Variants in ZNF559 observed in about 807,000 individuals in gnomAD.
ZNF559 encodes the protein zinc finger protein 559.
Under a neutral mutation model 14.2 loss-of-function variants are expected in ZNF559, and 17 were observed. That is an observed-to-expected ratio of 1.20 (90% CI 0.82 to 1.80). The LOEUF is 1.80. Among genes scored for constraint, ZNF559 ranks in the 40% most tolerant of loss-of-function variants. The pLI, the probability that ZNF559 is intolerant of heterozygous loss-of-function variation, is 0.00. For synonymous variants in ZNF559, 244 were observed against 212.4 expected (o/e 1.15, Z -1.29); for missense variants, 740 against 629.7 (o/e 1.18, Z -1.88).
intron 2 of ZNF559, among the ~76,000 whole-genome samples, chr19:9,329,316 AG>A (rs754414810): frequency 5.9e-5 from 9 of 152,178 alleles, no homozygotes; most frequent in Non-Finnish European, 1.2e-4. Context: ...TGGGTGATCC[AG>A]TCATTGTTGA....
intron 2 of ZNF559, among the ~76,000 whole-genome samples, chr19:9,327,578 CAT>C (rs1172586825): frequency 6.6e-6 from 1 of 152,170 alleles, no homozygotes. Flanking sequence ...ATCACTCAGT[CAT>C]CTTCTCCTGA....
chr19:9,329,914 G>A (rs1046291638), intron 2 of ZNF559, among the ~76,000 whole-genome samples: 9 of 152,152 alleles, frequency 5.9e-5, no homozygotes, highest in South Asian at 2.1e-4. Flanking sequence ...TCCCTGTTTC[G>A]GCCTCCCAAA....
rs146011098 is a variant in ZNF559 at position 9,336,551 on chromosome 19, C to T, written c.-119-1245C>T. On this transcript the variant is annotated intron_variant, in intron 2 of 6. Coordinates refer to ENST00000603380, the MANE Select transcript of ZNF559 (RefSeq NM_032497.3). The stretch of plus-strand genomic sequence containing the variant: ...CCTTGCTTGCAGTGAGCCAAGATCG[C>T]GCCACTGCACTCCAGCCTGGGCGAC... Among the ~76,000 whole-genome samples the T allele has an allele frequency of 4.2e-3, 644 of 151,654 alleles. 3 individuals are homozygous for T. Among genetic ancestry groups the T allele is most frequent in the African/African-American group, 0.014 (593 of 41,298 alleles).
rs1233125730 is a variant in ZNF559, at chr19:9,345,275, C to T, written c.*2207C>T. ...TAAAACTGCCTTGAATACCCATATG[C>T]AGATTATTCTTTAAACATGTGCTTC... On this transcript the variant is annotated 3_prime_UTR_variant, in exon 7 of 7. Transcript: ENST00000603380. 6.6e-6 allele frequency: 1 copy of T among 152,186 alleles called. No homozygotes were observed. The highest frequency in any genetic ancestry group is 1.9e-4 in the East Asian group (1 of 5,198). The allele number at this position is 152,186 out of a possible 1,614,324, so 9.4% of individuals were successfully genotyped here.
At chr19:9,341,461 T>C in intron 6 of ZNF559, 2 of 826,906 alleles carry the variant, frequency 2.4e-6, no homozygotes, top group Non-Finnish European at 4.0e-6. Flanking sequence ...TCAGCTAAGC[T>C]CTATTTAGAA....
chr19:9,327,253 T>A (rs2066666051), intron 2 of ZNF559, among the ~76,000 whole-genome samples: 1 of 136,478 alleles, frequency 7.3e-6, no homozygotes, highest in Non-Finnish European at 1.6e-5. Context: ...TTTTTTTTGT[T>A]TTTGTTTTTG....
At chr19:9,326,557 ACTGT>A (rs959422806) in intron 2 of ZNF559, among the ~76,000 whole-genome samples, 3 of 152,206 alleles carry the variant, frequency 2.0e-5, no homozygotes, top group African/African-American at 4.8e-5. Flanking sequence ...TTACAGTGGT[ACTGT>A]CTAATACAAA....
In ZNF559 at chr19:9,324,196, C is replaced by T. The variant is rs28384491; in HGVS notation, c.-238C>T. Reference sequence around the variant, plus strand: ...GTGGGCGCATGCGCATAACGGCCGCCATCTTAACAGCGCGTTCCCGTTGGC... The same window carrying T: ...GTGGGCGCATGCGCATAACGGCCGCTATCTTAACAGCGCGTTCCCGTTGGC... On this transcript the variant is annotated 5_prime_UTR_variant, in exon 1 of 7. Coordinates refer to ENST00000603380, the MANE Select transcript of ZNF559 (RefSeq NM_032497.3). 0.094 allele frequency: 145,108 copies of T among 1,536,064 alleles called. 8,022 individuals carry two copies. The highest frequency in any genetic ancestry group is 0.22 in the South Asian group (18,380 of 84,064).
chr19:9,340,977 A>G, intron 5 of ZNF559, 125 bp from the exon 6 acceptor site: 1 of 772,432 alleles, frequency 1.3e-6, no homozygotes, highest in South Asian at 1.7e-5. Context: ...CCCGTTCTTT[A>G]AAAAAACAAA....
Position 9,343,690 on chromosome 19 carries a change from T to G in ZNF559, c.*622T>G. 1.0e-6 allele frequency: 1 copy of G among 987,558 alleles called. No individual in the cohort carries two copies. Among genetic ancestry groups the G allele is most frequent in the Non-Finnish European group, 1.2e-6 (1 of 831,370 alleles). The allele number at this position is 987,558 out of a possible 1,614,324, so 61.2% of individuals were successfully genotyped here. On this transcript the variant is annotated 3_prime_UTR_variant, in exon 7 of 7. Coordinates refer to ENST00000603380, the MANE Select transcript of ZNF559 (RefSeq NM_032497.3). ...CTTGGTCGTTAGGAAACATCCACAC[T>G]GAAGAGGAACCTGACTGTATGGAAG...
intron 5 of ZNF559, among the ~76,000 whole-genome samples, chr19:9,340,567 TAAAAAAAAAAAA>T (rs34086147): frequency 1.5e-4 from 11 of 75,780 alleles, no homozygotes; most frequent in Admixed American, 9.4e-4. Flanking sequence ...TCTCTGTCTC[TAAAAAAAAAAAA>T]AAAAAAAAAA....
chr19:9,336,669 G>A (rs533736404), intron 2 of ZNF559, among the ~76,000 whole-genome samples: 32 of 152,212 alleles, frequency 2.1e-4, no homozygotes, highest in Admixed American at 1.1e-3. Flanking sequence ...TTAAGGTCTA[G>A]GACATTTTTT....
intron 1 of ZNF559, 58 bp downstream of exon 1, chr19:9,324,286 A>G: frequency 3.9e-6 from 6 of 1,535,820 alleles, no homozygotes; most frequent in African/African-American, 2.7e-5. Context: ...ACGCGAGAGT[A>G]GAAGGGTGGA....
chr19:9,325,190 A>G (rs2066512396), intron 2 of ZNF559, among the ~76,000 whole-genome samples: 1 of 152,262 alleles, frequency 6.6e-6, no homozygotes, highest in African/African-American at 2.4e-5. Flanking sequence ...CACACCTGTA[A>G]TCCCAGCGTT....
At position 9,341,169 on chromosome 19, in the gene ZNF559, C is replaced by T. The variant is rs752570221; in HGVS notation, c.228C>T (p.Ser76=). The change falls in exon 6 of 7, where the codon TCC becomes TCT. Residue 76 remains serine (S), a synonymous_variant. Coordinates refer to ENST00000603380, the MANE Select transcript of ZNF559 (RefSeq NM_032497.3). ...PQQNFLQGKT[S]SVVEMERNHF... ...AGAATTTTTTGCAGGGGAAAACATC[C>T]AGTGTGGTGGAAATGGTAAGATTCA... 1.2e-5 allele frequency: 19 copies of T among 1,613,644 alleles called. No homozygotes were observed. The South Asian group carries it at 2.1e-4, about 18-fold the overall frequency.
At chr19:9,324,022 C>T (rs921644892), upstream of ZNF559, 118 of 808,534 alleles carry the variant, frequency 1.5e-4, no homozygotes, top group Non-Finnish European at 2.1e-4. Context: ...TCAAGACCCC[C>T]TACCGGTGAC....
intron 5 of ZNF559, among the ~76,000 whole-genome samples, chr19:9,340,623 G>A (rs1176002012): frequency 1.3e-5 from 2 of 148,378 alleles, no homozygotes. Context: ...CTGAAATGCA[G>A]TGGCGCGATC....
chr19:9,343,086 G>C lies in ZNF559; in HGVS notation c.*18G>C, dbSNP rs1475468308. ...GTGTGTGAATTGGGGCTGATACTTG[G>C]AAAGAATGTGGTAAAGCCACTACTT... On this transcript the variant is annotated 3_prime_UTR_variant, in exon 7 of 7. Transcript: ENST00000603380. 6.3e-7 allele frequency: 1 copy of C among 1,592,576 alleles called. No homozygotes were observed. Among genetic ancestry groups the C allele is most frequent in the South Asian group, 1.1e-5 (1 of 87,870 alleles).
At position 9,324,755 on chromosome 19, in the gene ZNF559, C is replaced by T; in HGVS notation, c.-145C>T. On this transcript the variant is annotated 5_prime_UTR_variant, in exon 2 of 7. Coordinates refer to ENST00000603380, the MANE Select transcript of ZNF559 (RefSeq NM_032497.3). ...TCGCTTGGTGTCCTCCTGGCCTCAGCAACCTGACAATTCTGTCGTGTCCCG... is the reference window on the plus strand; with the variant it reads ...TCGCTTGGTGTCCTCCTGGCCTCAGTAACCTGACAATTCTGTCGTGTCCCG... 1 of 1,535,932 alleles carries T rather than the reference C, an allele frequency of 6.5e-7. No individual in the cohort carries two copies. Among genetic ancestry groups the T allele is most frequent in the Non-Finnish European group, 8.7e-7 (1 of 1,146,836 alleles).
Sources: gnomAD v4.1 joint callset for allele counts (sites outside exome capture counted in the v4.1 genomes callset) on GRCh38, gnomAD v4.1.1 for gene constraint, MANE v1.5 for transcripts, NCBI Gene and HGNC (gene_info 2026-07-23, HGNC 2026-07-21) for gene names.